The following CBLIF variants were observed in gnomAD, a reference collection of about 807,000 sequenced individuals.
CBLIF encodes the protein gastric intrinsic factor (vitamin B synthesis).
In CBLIF, 24 loss-of-function variants were observed where a neutral mutation model predicts 44.9. The ratio of observed to expected loss-of-function variants is 0.53; its 90% CI spans 0.39 to 0.75. The LOEUF (loss-of-function observed/expected upper bound fraction) is 0.75, where lower values mean the gene tolerates loss of function less well. CBLIF is among the 30% of genes least tolerant of loss of function. CBLIF has a pLI of 0.00. For synonymous variants in CBLIF, 183 were observed against 190.9 expected (o/e 0.96, Z 0.34); for missense variants, 481 against 513.0 (o/e 0.94, Z 0.60).
intron 6 of CBLIF, 119 bp downstream of exon 6, chr11:59,837,055 T>C (rs1866464935): frequency 6.1e-6 from 5 of 813,780 alleles, no homozygotes; most frequent in Admixed American, 3.7e-5. Flanking sequence ...GAGTCAGATG[T>C]ACTCTGCCCA....
intron 3 of CBLIF, 135 bp from the exon 4 acceptor site, chr11:59,842,718 A>G (rs1866554203): frequency 1.2e-6 from 1 of 804,444 alleles, no homozygotes; most frequent in Admixed American, 2.0e-5. Flanking sequence ...AGCATAGGCA[A>G]AGAGCAACTT....
chr11:59,841,781 C>G (rs1490765099), intron 4 of CBLIF, among the ~76,000 whole-genome samples: 1 of 152,064 alleles, frequency 6.6e-6, no homozygotes, highest in African/African-American at 2.4e-5. Context: ...TGAGATAATA[C>G]TATTGCTTAG....
In CBLIF at chr11:59,831,666, T is replaced by G. The variant is rs762131047; in HGVS notation, c.1192+12A>C. 2 of 1,154,984 alleles carry G rather than the reference T, an allele frequency of 1.7e-6. No individual in the cohort carries two copies. Among genetic ancestry groups the G allele is most frequent in the Non-Finnish European group, 2.6e-6 (2 of 760,304 alleles). The allele number at this position is 1,154,984 out of a possible 1,614,324, so 71.5% of individuals were successfully genotyped here. A position where few individuals can be genotyped will look rare whatever the true frequency, so the allele number is the denominator to read the frequency against. On this transcript the variant is annotated intron_variant, in intron 8 of 8. Coordinates refer to ENST00000257248, the MANE Select transcript of CBLIF (RefSeq NM_005142.3). ...CTATGGAAGATAACGCCTATGTCTTTTCTTCCCTCACCTTCATTCAAAGGT... is the reference window on the plus strand; with the variant it reads ...CTATGGAAGATAACGCCTATGTCTTGTCTTCCCTCACCTTCATTCAAAGGT...
In CBLIF at chr11:59,837,408, C is replaced by T. The variant is rs1866470120; in HGVS notation, c.694-57G>A. 4 of 1,276,746 alleles carry T rather than the reference C, an allele frequency of 3.1e-6. No homozygotes were observed. In the South Asian group the frequency reaches 4.8e-5, roughly 15 times the overall value. The allele number at this position is 1,276,746 out of a possible 1,614,324, so 79.1% of individuals were successfully genotyped here. On this transcript the variant is annotated intron_variant, in intron 5 of 8. Coordinates refer to ENST00000257248, the MANE Select transcript of CBLIF (RefSeq NM_005142.3). ...GTAATTAGGCATAGCTGAGAGTTGG[C>T]TCTTACATGTCTTAAGAGATAAACT... is the stretch of plus-strand genomic sequence containing the variant.
chr11:59,843,741 G>A (rs1298260093), intron 2 of CBLIF, 138 bp downstream of exon 2: 2 of 724,702 alleles, frequency 2.8e-6, no homozygotes, highest in Non-Finnish European at 5.0e-6. Flanking sequence ...TACCTTCCAG[G>A]TATGTAAGGA....
At chr11:59,836,754 G>A (rs1043463724) in intron 6 of CBLIF, among the ~76,000 whole-genome samples, 2 of 152,112 alleles carry the variant, frequency 1.3e-5, no homozygotes, top group African/African-American at 2.4e-5. Flanking sequence ...ATACTTACTC[G>A]ATTGTCCCAA....
chr11:59,830,772 A>T (rs1866363410), intron 8 of CBLIF, among the ~76,000 whole-genome samples: 1 of 152,202 alleles, frequency 6.6e-6, no homozygotes, highest in South Asian at 2.1e-4. Context: ...TCCATTTTAA[A>T]GCTGTGGAAA....
At chr11:59,843,206 G>T in intron 2 of CBLIF, 65 bp from the exon 3 acceptor site, 1 of 926,518 alleles carries the variant, frequency 1.1e-6, no homozygotes, top group Non-Finnish European at 1.8e-6. Context: ...CCAGGAGCCA[G>T]TGATGAGTTC....
chr11:59,840,691 A>G (rs1866513398), intron 5 of CBLIF, among the ~76,000 whole-genome samples: 1 of 152,084 alleles, frequency 6.6e-6, no homozygotes, highest in African/African-American at 2.4e-5. Context: ...TTGAGTATAA[A>G]CTTGCTATTT....
At chr11:59,834,504 C>T (rs1297690797) in intron 7 of CBLIF, among the ~76,000 whole-genome samples, 6 of 150,748 alleles carry the variant, frequency 4.0e-5, no homozygotes, top group Admixed American at 2.6e-4. Flanking sequence ...GCAATCTTCC[C>T]GTCTCAACCT....
intron 8 of CBLIF, 70 bp from the exon 9 acceptor site, chr11:59,829,615 CA>C: frequency 1.1e-6 from 1 of 911,440 alleles, no homozygotes; most frequent in East Asian, 2.4e-5. Context: ...CCAAGGGATG[CA>C]GTGAGCTAGA....
chr11:59,831,818 A>T (rs749535077), intron 7 of CBLIF, 22 bp from the exon 8 acceptor site: 2 of 1,084,508 alleles, frequency 1.8e-6, no homozygotes, highest in Non-Finnish European at 2.9e-6. Flanking sequence ...TTTATATATG[A>T]TTAACATCTC....
In CBLIF at chr11:59,842,519, C is replaced by T; in HGVS notation, c.435G>A (p.Lys145=). The change falls in exon 4 of 9, where the codon AAG becomes AAA. Residue 145 remains lysine, a synonymous_variant. Transcript: ENST00000257248. ...PSLAILALCQ[K]NSEATLPIAV... ...CTATCGGCAAGGTCGCCTCAGAGTT[C>T]TTCTGGCACAGTGCCAAGATCGCTA... 2 of 1,607,220 alleles carry T rather than the reference C, an allele frequency of 1.2e-6. No homozygotes were observed. Among genetic ancestry groups the T allele is most frequent in the East Asian group, 2.2e-5 (1 of 44,874 alleles).
intron 2 of CBLIF, 82 bp downstream of exon 2, chr11:59,843,797 G>T: frequency 1.9e-6 from 2 of 1,032,322 alleles, no homozygotes; most frequent in South Asian, 1.3e-5. Flanking sequence ...GCATTGGGGT[G>T]GGAAGGACGC....
chr11:59,838,848 C>CTTTTTTTTTTTTTTTTTTTTT (rs1217612334), intron 5 of CBLIF, among the ~76,000 whole-genome samples: 1 of 130,540 alleles, frequency 7.7e-6, no homozygotes, highest in Admixed American at 7.9e-5. Flanking sequence ...TTCTTTCTTT[C>CTTTTTTTTTTTTTTTTTTTTT]TTTTTTTTTT....
chr11:59,834,369 A>T (rs1590856300), intron 7 of CBLIF, among the ~76,000 whole-genome samples: 1 of 94,804 alleles, frequency 1.1e-5, no homozygotes, highest in African/African-American at 4.1e-5. Flanking sequence ...TCTCTCTCTC[A>T]ATTCCTTCTT....
rs575272147 is a variant in CBLIF, at chr11:59,829,397, C to T, written c.*87G>A. On this transcript the variant is annotated 3_prime_UTR_variant, in exon 9 of 9. Transcript: ENST00000257248. ...GGAATATGGTAGCATCACAGGCATTCGCTTTTTTGCATAGATTTAAAATGA... is the reference window on the plus strand; with the variant it reads ...GGAATATGGTAGCATCACAGGCATTTGCTTTTTTGCATAGATTTAAAATGA... The T allele has an allele frequency of 1.4e-4, 115 of 842,988 alleles. No individual in the cohort carries two copies. Among genetic ancestry groups the T allele is most frequent in the South Asian group, 2.3e-4 (17 of 73,534 alleles). The allele number at this position is 842,988 out of a possible 1,614,324, so 52.2% of individuals were successfully genotyped here. A position where few individuals can be genotyped will look rare whatever the true frequency, so the allele number is the denominator to read the frequency against.
At chr11:59,840,321 C>T (rs1181888356) in intron 5 of CBLIF, among the ~76,000 whole-genome samples, 1 of 152,042 alleles carries the variant, frequency 6.6e-6, no homozygotes, top group Non-Finnish European at 1.5e-5. Flanking sequence ...TTGAAGAGTC[C>T]CTGGTCCTAT....
intron 8 of CBLIF, 81 bp downstream of exon 8, chr11:59,831,597 G>T: frequency 1.3e-6 from 1 of 747,534 alleles, no homozygotes; most frequent in South Asian, 1.5e-5. Flanking sequence ...GTGAATGAAT[G>T]AATAAATTAA....
Sources: gnomAD v4.1 joint callset for allele counts (sites outside exome capture counted in the v4.1 genomes callset) on GRCh38, gnomAD v4.1.1 for gene constraint, MANE v1.5 for transcripts, NCBI Gene and HGNC (gene_info 2026-07-23, HGNC 2026-07-21) for gene names.